The following EPHA6 variants were observed in gnomAD, a reference collection of about 807,000 sequenced individuals.
The protein encoded by EPHA6 is ephrin type-A receptor 6.
A neutral mutation model predicts 112.0 loss-of-function variants in EPHA6; 50 were observed. That is an observed-to-expected ratio of 0.45 (90% CI 0.36 to 0.56). The LOEUF is 0.56. Among genes scored for constraint, EPHA6 ranks in the 20% least tolerant of loss-of-function variants. The pLI, the probability that EPHA6 is intolerant of heterozygous loss-of-function variation, is 0.00. For missense variants in EPHA6, 1,280 were observed against 1,417.4 expected (o/e 0.90, Z 1.56); for synonymous variants, 529 against 490.7 (o/e 1.08, Z -1.03).
At chr3:97,391,001 A>G (rs1478439555) in intron 5 of EPHA6, among the ~76,000 whole-genome samples, 1 of 152,156 alleles carries the variant, frequency 6.6e-6, no homozygotes, top group African/African-American at 2.4e-5. Context: ...TTACTATTAC[A>G]CAATAGAATC....
intron 5 of EPHA6, among the ~76,000 whole-genome samples, chr3:97,364,565 A>G (rs2084603272): frequency 1.3e-5 from 2 of 152,048 alleles, no homozygotes; most frequent in Non-Finnish European, 2.9e-5. Flanking sequence ...GTTTTAAAAG[A>G]GTATGCAAAA....
chr3:97,498,602 G>GA lies in EPHA6; in HGVS notation c.2200+14543_2200+14544insA, dbSNP rs1211310622. ...ATTGGCCTGGTAAGGGTCACTTGTT[G>GA]GTTGATGGAACAAATGTTTATAGTA... On this transcript the variant is annotated intron_variant, in intron 10 of 17. Transcript: ENST00000389672. Among the ~76,000 whole-genome samples the GA allele has an allele frequency of 1.1e-3, 166 of 152,218 alleles. 2 individuals are homozygous for GA. The highest frequency in any genetic ancestry group is 2.2e-3 in the Non-Finnish European group (147 of 68,010).
chr3:97,035,464 C>G (rs2045054983), intron 3 of EPHA6, among the ~76,000 whole-genome samples: 1 of 151,828 alleles, frequency 6.6e-6, no homozygotes, highest in South Asian at 2.1e-4. Flanking sequence ...AATATCTCCT[C>G]AACTATATTT....
chr3:97,632,517 G>C (rs541016671), intron 13 of EPHA6, among the ~76,000 whole-genome samples: 1 of 151,984 alleles, frequency 6.6e-6, no homozygotes, highest in East Asian at 1.9e-4. Flanking sequence ...TTGACTCCTA[G>C]CACCTAGAAT....
intron 15 of EPHA6, among the ~76,000 whole-genome samples, chr3:97,734,627 C>A (rs2035178751): frequency 6.6e-6 from 1 of 151,952 alleles, no homozygotes; most frequent in Non-Finnish European, 1.5e-5. Context: ...TTACAAACAG[C>A]CTCTAACATA....
intron 13 of EPHA6, among the ~76,000 whole-genome samples, chr3:97,634,938 G>A (rs374423077): frequency 1.2e-4 from 17 of 147,474 alleles, no homozygotes; most frequent in East Asian, 9.7e-4. Flanking sequence ...AGAAAACCTA[G>A]CTTTTTTTTT....
At chr3:97,149,717 A>G (rs2076125425) in intron 3 of EPHA6, among the ~76,000 whole-genome samples, 1 of 151,844 alleles carries the variant, frequency 6.6e-6, no homozygotes, top group African/African-American at 2.4e-5. Flanking sequence ...TAAAAGTAAA[A>G]TCACTTAAAA....
At chr3:97,423,872 T>G (rs2088877919) in intron 6 of EPHA6, among the ~76,000 whole-genome samples, 1 of 152,156 alleles carries the variant, frequency 6.6e-6, no homozygotes, top group African/African-American at 2.4e-5. Flanking sequence ...TCTGATCTTC[T>G]ACAAAGTCAA....
chr3:97,642,130 C>G lies in EPHA6; in HGVS notation c.2784+4048C>G, dbSNP rs368125329. On this transcript the variant is annotated intron_variant, in intron 14 of 17. Coordinates refer to ENST00000389672, the MANE Select transcript of EPHA6 (RefSeq NM_001080448.3). ...ACTGCCTCCACAAGTGGGTACCTGA[C>G]CCCTGACCCCCGAGCAGCCTAACTG... Among the ~76,000 whole-genome samples the G allele has an allele frequency of 1.7e-4, 22 of 130,464 alleles. No homozygotes were observed. The East Asian group carries it at 4.8e-3, about 29-fold the overall frequency. 85.6% of individuals were successfully genotyped at this position (130,464 alleles called of 152,430 possible). A position where few individuals can be genotyped will look rare whatever the true frequency, so the allele number is the denominator to read the frequency against.
chr3:97,018,197 T>C (rs1389209774), intron 3 of EPHA6, among the ~76,000 whole-genome samples: 2 of 152,074 alleles, frequency 1.3e-5, no homozygotes, highest in Admixed American at 1.3e-4. Flanking sequence ...TTCTTCTCTT[T>C]TTCTGTCTCC....
intron 4 of EPHA6, among the ~76,000 whole-genome samples, chr3:97,228,362 T>A (rs571129555): frequency 6.6e-6 from 1 of 152,206 alleles, no homozygotes; most frequent in African/African-American, 2.4e-5. Flanking sequence ...TATATCATTC[T>A]TATGTTGTTG....
intron 3 of EPHA6, among the ~76,000 whole-genome samples, chr3:97,006,477 T>A (rs1009363058): frequency 2.6e-5 from 4 of 152,132 alleles, no homozygotes; most frequent in Admixed American, 2.6e-4. Flanking sequence ...TTTTATTGTG[T>A]CCATTTGATT....
chr3:97,420,164 C>T (rs1327358591), intron 6 of EPHA6, among the ~76,000 whole-genome samples: 1 of 151,868 alleles, frequency 6.6e-6, no homozygotes, highest in Non-Finnish European at 1.5e-5. Flanking sequence ...GATCTATGTG[C>T]CAATCTGGGT....
intron 2 of EPHA6, among the ~76,000 whole-genome samples, chr3:96,942,950 A>G (rs2041055191): frequency 6.6e-6 from 1 of 152,068 alleles, no homozygotes; most frequent in Non-Finnish European, 1.5e-5. Context: ...GCACACCAGA[A>G]CTTATTCCTC....
intron 3 of EPHA6, among the ~76,000 whole-genome samples, chr3:97,139,412 A>C (rs2075841634): frequency 6.6e-6 from 1 of 152,096 alleles, no homozygotes; most frequent in Non-Finnish European, 1.5e-5. Flanking sequence ...TGCACAACCC[A>C]ATATAATTCC....
chr3:97,323,189 A>G (rs1156289787), intron 5 of EPHA6, among the ~76,000 whole-genome samples: 2 of 151,994 alleles, frequency 1.3e-5, no homozygotes, highest in Admixed American at 1.3e-4. Context: ...TTCATCTGAC[A>G]TAATGAACTG....
At position 96,857,825 on chromosome 3, in the gene EPHA6, T is replaced by A. The variant is rs889560986; in HGVS notation, c.386-9000T>A. Among the ~76,000 whole-genome samples, 3 of 152,094 alleles carry A rather than the reference T, an allele frequency of 2.0e-5. No homozygotes were observed. The South Asian group carries it at 6.2e-4, about 31-fold the overall frequency. ...AAAATGTGGGAAAATGATTAGAAAA[T>A]AAGATTTTCATTTAAATTATTTTTG... is the stretch of plus-strand genomic sequence containing the variant. On this transcript the variant is annotated intron_variant, in intron 1 of 17. Transcript: ENST00000389672.
intron 6 of EPHA6, among the ~76,000 whole-genome samples, chr3:97,415,083 G>A (rs2088021439): frequency 6.6e-6 from 1 of 151,960 alleles, no homozygotes; most frequent in South Asian, 2.1e-4. Context: ...TTCCATTAGG[G>A]CAGTTTATCA....
At chr3:97,082,587 A>G (rs890587397) in intron 3 of EPHA6, among the ~76,000 whole-genome samples, 20 of 152,060 alleles carry the variant, frequency 1.3e-4, no homozygotes, top group African/African-American at 4.8e-4. Context: ...TCATTTAAGA[A>G]ACTTTTAATC....
Sources: gnomAD v4.1 joint callset for allele counts (sites outside exome capture counted in the v4.1 genomes callset) on GRCh38, gnomAD v4.1.1 for gene constraint, MANE v1.5 for transcripts, NCBI Gene and HGNC (gene_info 2026-07-23, HGNC 2026-07-21) for gene names.